ENTPD3: variants seen among roughly 807,000 people sequenced by gnomAD.
The protein encoded by ENTPD3 is ectonucleoside triphosphate diphosphohydrolase 3.
In ENTPD3, 60 loss-of-function variants were observed where a neutral mutation model predicts 51.2. That is an observed-to-expected ratio of 1.17 (90% CI 0.95 to 1.45). The LOEUF (loss-of-function observed/expected upper bound fraction) is 1.45. Among genes scored for constraint, ENTPD3 ranks in the 40% most tolerant of loss-of-function variants. The probability of loss-of-function intolerance (pLI) is 0.00; values close to 1 mark genes in which losing one functional copy is unlikely to be tolerated. For synonymous variants in ENTPD3, 221 were observed against 238.4 expected (o/e 0.93, Z 0.67); for missense variants, 593 against 641.1 (o/e 0.93, Z 0.81).
In ENTPD3 at chr3:40,423,012, T is replaced by C. The variant is rs1283836295; in HGVS notation, c.994T>C (p.Ser332Pro). Residue 332 changes from serine (S) to proline (P), a missense_variant, in exon 8 of 11, where the codon TCT (serine) becomes CCT (proline). By Grantham distance (74) the Ser-to-Pro change is moderately conservative. Coordinates refer to ENST00000301825, the MANE Select transcript of ENTPD3 (RefSeq NM_001248.4). ...CACTTTTGAAGGAACTGGGGACCCA[T>C]CTCTGTGTAAGGAGAAGGTGGCTTC... Reference protein sequence around the residue: ...VITFEGTGDPSLCKEKVASIF... With the variant: ...VITFEGTGDPPLCKEKVASIF... 2 of 1,613,938 alleles carry C rather than the reference T, an allele frequency of 1.2e-6. No individual in the cohort carries two copies. The highest frequency in any genetic ancestry group is 2.7e-5 in the African/African-American group (2 of 74,892).
chr3:40,388,681 G>A (rs867041261), intron 2 of ENTPD3, among the ~76,000 whole-genome samples: 2 of 151,944 alleles, frequency 1.3e-5, no homozygotes, highest in Middle Eastern at 3.4e-3. Flanking sequence ...TCATGTGGAA[G>A]CCCAGAAGGC....
At chr3:40,416,654 T>A (rs577418988) in intron 7 of ENTPD3, among the ~76,000 whole-genome samples, 1 of 152,314 alleles carries the variant, frequency 6.6e-6, no homozygotes, top group African/African-American at 2.4e-5. Context: ...TAGAAAGCTA[T>A]TGCTAATATT....
At chr3:40,402,893 T>C (rs1955400773) in intron 4 of ENTPD3, among the ~76,000 whole-genome samples, 1 of 152,168 alleles carries the variant, frequency 6.6e-6, no homozygotes, top group Non-Finnish European at 1.5e-5. Flanking sequence ...AGGGAGTGTG[T>C]ATATGTGTAA....
intron 7 of ENTPD3, among the ~76,000 whole-genome samples, chr3:40,417,912 A>G (rs1955784201): frequency 6.6e-6 from 1 of 152,100 alleles, no homozygotes; most frequent in Admixed American, 6.5e-5. Flanking sequence ...AGGATCAGAG[A>G]GGCTAATCTT....
At chr3:40,405,398 G>A (rs925174749) in intron 4 of ENTPD3, among the ~76,000 whole-genome samples, 5 of 151,970 alleles carry the variant, frequency 3.3e-5, no homozygotes, top group African/African-American at 1.2e-4. Flanking sequence ...CCAGCTTCTC[G>A]GGAGGCTGAG....
At chr3:40,422,286 T>G (rs112343547) in intron 7 of ENTPD3, among the ~76,000 whole-genome samples, 5,598 of 150,992 alleles carry the variant, frequency 0.037, 229 homozygotes, top group African/African-American at 0.097. Flanking sequence ...AGGGAAATAC[T>G]TGGCTCTCCA....
At chr3:40,399,927 C>G (rs944196386) in intron 3 of ENTPD3, among the ~76,000 whole-genome samples, 3 of 151,978 alleles carry the variant, frequency 2.0e-5, no homozygotes, top group African/African-American at 7.3e-5. Flanking sequence ...TGCTTTTTTT[C>G]TCCTTAATTA....
chr3:40,402,117 T>TTTC, intron 4 of ENTPD3, among the ~76,000 whole-genome samples: 1 of 58,622 alleles, frequency 1.7e-5, no homozygotes, highest in South Asian at 6.0e-4. Context: ...TTTCCTTTTT[T>TTTC]TTTTTCTTTT....
intron 5 of ENTPD3, among the ~76,000 whole-genome samples, chr3:40,414,410 T>A (rs1399841017): frequency 6.6e-6 from 1 of 152,128 alleles, no homozygotes; most frequent in Non-Finnish European, 1.5e-5. Context: ...CATGAACAGA[T>A]GAGATGGGTG....
chr3:40,426,118 T>C (rs1412801513), intron 10 of ENTPD3, among the ~76,000 whole-genome samples: 3 of 144,900 alleles, frequency 2.1e-5, no homozygotes, highest in African/African-American at 7.5e-5. Context: ...TTTTTTTTTT[T>C]TTTTTTTTGA....
intron 6 of ENTPD3, among the ~76,000 whole-genome samples, chr3:40,415,418 A>C (rs980937372): frequency 3.9e-5 from 6 of 152,188 alleles, no homozygotes; most frequent in African/African-American, 1.4e-4. Flanking sequence ...AATGTATTTT[A>C]AATTTTTAAA....
At chr3:40,402,355 G>A (rs1254264584) in intron 4 of ENTPD3, among the ~76,000 whole-genome samples, 9 of 151,948 alleles carry the variant, frequency 5.9e-5, no homozygotes, top group Admixed American at 4.6e-4. Flanking sequence ...CTGACCTCAA[G>A]TGATCCACCT....
intron 10 of ENTPD3, among the ~76,000 whole-genome samples, chr3:40,425,958 A>T (rs60403476): frequency 1.6e-4 from 24 of 151,470 alleles, no homozygotes; most frequent in East Asian, 7.7e-4. Context: ...AAAAGTATTT[A>T]AAAAAAACTC....
At chr3:40,392,237 C>A in intron 3 of ENTPD3, 87 bp downstream of exon 3, 1 of 1,504,308 alleles carries the variant, frequency 6.6e-7, no homozygotes, top group Non-Finnish European at 9.1e-7. Flanking sequence ...GTTAGAAGAG[C>A]AGAAAATCCT....
intron 3 of ENTPD3, chr3:40,399,701 C>G (rs970977810): frequency 3.3e-5 from 5 of 152,138 alleles, no homozygotes; most frequent in African/African-American, 1.2e-4. Context: ...AATACATGCT[C>G]TTTCCTGGTC....
intron 7 of ENTPD3, among the ~76,000 whole-genome samples, chr3:40,422,134 T>TCA (rs3064615): frequency 0.097 from 14,464 of 148,776 alleles, 1,740 homozygotes; most frequent in African/African-American, 0.29. Context: ...GAGGTAATTG[T>TCA]CACACACACA....
chr3:40,417,993 C>T (rs558916971), intron 7 of ENTPD3, among the ~76,000 whole-genome samples: 10 of 152,202 alleles, frequency 6.6e-5, no homozygotes, highest in Middle Eastern at 3.4e-3. Flanking sequence ...TTTTTGTACT[C>T]ATACAATGTT....
chr3:40,415,872 T>C lies in ENTPD3; in HGVS notation c.630T>C (p.His210=), dbSNP rs372661735. 3 of 1,613,966 alleles carry C rather than the reference T, an allele frequency of 1.9e-6. No individual in the cohort carries two copies. Among genetic ancestry groups the C allele is most frequent in the African/African-American group, 1.3e-5 (1 of 74,924 alleles). Residue 210 remains histidine, a synonymous_variant, in exon 7 of 11, where the codon CAT becomes CAC. Coordinates refer to ENST00000301825, the MANE Select transcript of ENTPD3 (RefSeq NM_001248.4). ...KNLWHMWVHP[H]GVETTGALDL... is the part of the protein sequence containing the mutation. ...TGTGGCACATGTGGGTGCACCCGCATGGAGTGGAAACCACGGGTGCCCTGG... is the reference window on the plus strand; with the variant it reads ...TGTGGCACATGTGGGTGCACCCGCACGGAGTGGAAACCACGGGTGCCCTGG...
rs568027360 is a variant in ENTPD3 at position 40,424,671 on chromosome 3, G to A, written c.1353+708G>A. The A allele has an allele frequency of 2.8e-5, 19 of 689,226 alleles. No individual in the cohort carries two copies. In the African/African-American group the frequency reaches 3.2e-4, roughly 11 times the overall value. 42.7% of individuals were successfully genotyped at this position (689,226 alleles called of 1,614,324 possible). ...AGCTGTCACCTGGTGACAGGTGAAA[G>A]GACCTCCATACCTTGTTTTTAGGCA... On this transcript the variant is annotated intron_variant, in intron 10 of 10. Transcript: ENST00000301825.
Sources: gnomAD v4.1 joint callset for allele counts (sites outside exome capture counted in the v4.1 genomes callset) on GRCh38, gnomAD v4.1.1 for gene constraint, MANE v1.5 for transcripts, NCBI Gene and HGNC (gene_info 2026-07-23, HGNC 2026-07-21) for gene names.